STK32A: variants seen among roughly 807,000 people sequenced by gnomAD.
The protein encoded by STK32A is serine/threonine-protein kinase 32A.
Under a neutral mutation model 53.2 loss-of-function variants are expected in STK32A, and 41 were observed. The ratio of observed to expected loss-of-function variants is 0.77; its 90% CI spans 0.60 to 1.00. The LOEUF (loss-of-function observed/expected upper bound fraction) is 1.00, where lower values mean the gene tolerates loss of function less well. STK32A is among the 50% of genes least tolerant of loss of function. The pLI is 0.00. For missense variants in STK32A, 458 were observed against 485.8 expected, an observed-to-expected ratio of 0.94 and a Z score of 0.54; for synonymous variants, 166 against 162.8, an observed-to-expected ratio of 1.02 and a Z score of -0.15.
intron 4 of STK32A, among the ~76,000 whole-genome samples, chr5:147,281,955 G>T (rs891252336): frequency 2.0e-5 from 3 of 152,018 alleles, no homozygotes; most frequent in Non-Finnish European, 4.4e-5. Flanking sequence ...CCCTATCTCT[G>T]GCCTCCTCAA....
intron 8 of STK32A, among the ~76,000 whole-genome samples, chr5:147,363,496 C>T (rs1439073402): frequency 1.3e-5 from 2 of 152,176 alleles, no homozygotes; most frequent in African/African-American, 4.8e-5. Flanking sequence ...ACCCTGCTCC[C>T]CAAGCCAGTG....
chr5:147,254,802 G>C (rs571792319), intron 2 of STK32A, among the ~76,000 whole-genome samples: 1 of 152,276 alleles, frequency 6.6e-6, no homozygotes, highest in East Asian at 1.9e-4. Flanking sequence ...ATGAGTCAGG[G>C]TGGAGCAATC....
At chr5:147,241,136 T>C (rs1332596011) in intron 2 of STK32A, among the ~76,000 whole-genome samples, 6 of 152,184 alleles carry the variant, frequency 3.9e-5, no homozygotes, top group Non-Finnish European at 5.9e-5. Flanking sequence ...TCTGCTGTAG[T>C]TGGGGCAAAC....
intron 4 of STK32A, among the ~76,000 whole-genome samples, chr5:147,309,758 A>G (rs12657891): frequency 0.074 from 11,209 of 152,224 alleles, 773 homozygotes; most frequent in East Asian, 0.21. Flanking sequence ...AATTTCATAT[A>G]TCTTCAACTA....
intron 2 of STK32A, among the ~76,000 whole-genome samples, chr5:147,245,328 T>C (rs1753731378): frequency 6.6e-6 from 1 of 152,226 alleles, no homozygotes; most frequent in African/African-American, 2.4e-5. Flanking sequence ...TGAGAAATAA[T>C]TAATGATGCA....
chr5:147,390,063 C>A (rs1303720409), downstream of STK32A, among the ~76,000 whole-genome samples: 1 of 152,106 alleles, frequency 6.6e-6, no homozygotes, highest in African/African-American at 2.4e-5. Context: ...CCCTGGTAAA[C>A]TAGTTTAACT....
intron 4 of STK32A, among the ~76,000 whole-genome samples, chr5:147,288,742 GA>G (rs1385509040): frequency 1.3e-5 from 2 of 152,096 alleles, no homozygotes; most frequent in East Asian, 3.9e-4. Context: ...CCACCCCCAT[GA>G]TCCAATCACC....
rs763729440 is a variant in STK32A at position 147,279,322 on chromosome 5, C to T, written c.184C>T (p.Arg62Cys). 62 of 1,613,558 alleles carry T rather than the reference C, an allele frequency of 3.8e-5. No individual in the cohort carries two copies. The highest frequency in any genetic ancestry group is 1.5e-4 in the African/African-American group (11 of 74,940). The change falls in exon 4 of 13, where the codon CGC becomes TGC. Residue 62 changes from arginine (R) to cysteine (C), a missense_variant. Physicochemically the swap from Arg to Cys is radical, Grantham distance 180. Transcript: ENST00000397936. ...CATGAATAAACAAAAGTGCGTGGAG[C>T]GCAATGAAGTGAGAAATGTCTTCAA... ...KYMNKQKCVE[R>C]NEVRNVFKEL... is the part of the protein sequence containing the mutation.
chr5:147,356,486 T>A (rs1756244483), intron 7 of STK32A, among the ~76,000 whole-genome samples: 1 of 152,182 alleles, frequency 6.6e-6, no homozygotes, highest in African/African-American at 2.4e-5. Context: ...TTGTTGACTG[T>A]GAAGCTGGAG....
intron 2 of STK32A, among the ~76,000 whole-genome samples, chr5:147,272,075 TTC>T (rs1173571656): frequency 1.3e-5 from 2 of 152,114 alleles, no homozygotes; most frequent in African/African-American, 4.8e-5. Context: ...GCCTTAAAAT[TTC>T]TCTCTTTTGT....
chr5:147,360,450 C>CAAAAAAAAAAAAAAAAAAAAAAAA (rs56690647), intron 7 of STK32A, among the ~76,000 whole-genome samples: 1 of 81,164 alleles, frequency 1.2e-5, no homozygotes. Context: ...GATTCTGTCT[C>CAAAAAAAAAAAAAAAAAAAAAAAA]AAAAAAAAAA....
intron 8 of STK32A, among the ~76,000 whole-genome samples, chr5:147,366,698 G>T (rs1756763183): frequency 6.6e-6 from 1 of 152,142 alleles, no homozygotes; most frequent in Non-Finnish European, 1.5e-5. Context: ...CTAAGGCAAA[G>T]AACATTTCCA....
intron 4 of STK32A, among the ~76,000 whole-genome samples, chr5:147,322,052 T>G (rs1205428685): frequency 6.6e-6 from 1 of 152,228 alleles, no homozygotes; most frequent in African/African-American, 2.4e-5. Context: ...CAATATTGTT[T>G]ACTGAATGGC....
chr5:147,359,657 G>A (rs1756404883), intron 7 of STK32A, among the ~76,000 whole-genome samples: 1 of 152,126 alleles, frequency 6.6e-6, no homozygotes, highest in African/African-American at 2.4e-5. Flanking sequence ...TACTGAGAAG[G>A]GAGAGCAGAA....
downstream of STK32A, chr5:147,390,738 T>C (rs1188112118): frequency 6.6e-6 from 1 of 152,416 alleles, no homozygotes; most frequent in Non-Finnish European, 1.5e-5. Context: ...ACCCTTTCAG[T>C]TCTACTGGGC....
chr5:147,320,088 T>C (rs960881031), intron 4 of STK32A, among the ~76,000 whole-genome samples: 8 of 152,218 alleles, frequency 5.3e-5, no homozygotes, highest in Non-Finnish European at 1.0e-4. Context: ...TCCTATGTTA[T>C]TCAATCTATT....
intron 7 of STK32A, among the ~76,000 whole-genome samples, chr5:147,357,347 A>G (rs1361658109): frequency 2.0e-5 from 3 of 152,106 alleles, no homozygotes. Context: ...ATGATATGAC[A>G]TTATGATATT....
chr5:147,347,843 G>T (rs115261074), intron 6 of STK32A, among the ~76,000 whole-genome samples: 1 of 152,164 alleles, frequency 6.6e-6, no homozygotes, highest in Admixed American at 6.5e-5. Context: ...GGCTGTAGCC[G>T]GACCTGGGAC....
intron 4 of STK32A, among the ~76,000 whole-genome samples, chr5:147,296,472 G>A (rs149777339): frequency 2.0e-4 from 30 of 152,196 alleles, no homozygotes; most frequent in East Asian, 1.5e-3. Flanking sequence ...GGGAGAGGCC[G>A]CATGTGCAGT....
Sources: gnomAD v4.1 joint callset for allele counts (sites outside exome capture counted in the v4.1 genomes callset) on GRCh38, gnomAD v4.1.1 for gene constraint, MANE v1.5 for transcripts, NCBI Gene and HGNC (gene_info 2026-07-23, HGNC 2026-07-21) for gene names.